The following HS6ST3 variants were observed in gnomAD, a reference collection of about 807,000 sequenced individuals.
HS6ST3 encodes heparan sulfate 6-O-sulfotransferase 3.
In HS6ST3, 12 loss-of-function variants were observed where a neutral mutation model predicts 36.7. The observed-to-expected ratio is 0.33, with a 90% CI of 0.21 to 0.53. HS6ST3 has a LOEUF of 0.53. HS6ST3 is among the 20% of genes least tolerant of loss of function. HS6ST3 has a pLI of 0.95. For synonymous variants in HS6ST3, 240 were observed against 257.5 expected, an observed-to-expected ratio of 0.93 and a Z score of 0.65; for missense variants, 584 against 640.9, an observed-to-expected ratio of 0.91 and a Z score of 0.96.
At chr13:96,263,408 T>G (rs1306739434) in intron 1 of HS6ST3, among the ~76,000 whole-genome samples, 2 of 152,144 alleles carry the variant, frequency 1.3e-5, no homozygotes, top group Admixed American at 1.3e-4. Context: ...TGACTTAACT[T>G]TCACAGAAGA....
intron 1 of HS6ST3, among the ~76,000 whole-genome samples, chr13:96,814,089 A>G (rs1878372765): frequency 6.6e-6 from 1 of 152,160 alleles, no homozygotes; most frequent in Non-Finnish European, 1.5e-5. Flanking sequence ...TTCCTTAAAA[A>G]TATCTGAATT....
chr13:96,828,364 C>T (rs1409873436), intron 1 of HS6ST3, among the ~76,000 whole-genome samples: 3 of 152,028 alleles, frequency 2.0e-5, no homozygotes, highest in Admixed American at 6.6e-5. Flanking sequence ...AGTAGAATAA[C>T]ATTGTACCCT....
At chr13:96,666,780 T>G (rs531120513) in intron 1 of HS6ST3, among the ~76,000 whole-genome samples, 5 of 152,300 alleles carry the variant, frequency 3.3e-5, no homozygotes, top group Non-Finnish European at 7.4e-5. Flanking sequence ...TTTTATGCCT[T>G]CATGAAAATA....
chr13:96,573,803 G>A (rs190592266), intron 1 of HS6ST3: 203 of 380,716 alleles, frequency 5.3e-4, no homozygotes, highest in African/African-American at 3.8e-3. Flanking sequence ...GCAGCAGATA[G>A]GAGAGTGTGT....
intron 1 of HS6ST3, among the ~76,000 whole-genome samples, chr13:96,635,534 C>A (rs2056546545): frequency 6.6e-6 from 1 of 152,172 alleles, no homozygotes; most frequent in Admixed American, 6.5e-5. Flanking sequence ...ACTGCACCAC[C>A]AGGGTTACAT....
intron 1 of HS6ST3, among the ~76,000 whole-genome samples, chr13:96,708,039 A>T (rs184809525): frequency 4.0e-4 from 61 of 152,312 alleles, no homozygotes; most frequent in Middle Eastern, 3.4e-3. Flanking sequence ...GATAGGCTTT[A>T]AAGTTAGGAA....
chr13:96,826,744 C>T (rs866615341), intron 1 of HS6ST3, among the ~76,000 whole-genome samples: 1 of 152,110 alleles, frequency 6.6e-6, no homozygotes, highest in Non-Finnish European at 1.5e-5. Flanking sequence ...CGCCTTACAG[C>T]AGAACAAGAT....
rs559414299 is a variant in HS6ST3, at chr13:96,691,695, A to AC, written c.708-140793dup. On this transcript the variant is annotated intron_variant, in intron 1 of 1. Transcript: ENST00000376705. ...TACTTTGTCCTATGTCTTTGAAACAACCTGAACACTCACTCAGCAGAGAAA... is the reference window on the plus strand; with the variant it reads ...TACTTTGTCCTATGTCTTTGAAACAACCCTGAACACTCACTCAGCAGAGAAA... 4.6e-5 allele frequency among the ~76,000 whole-genome samples: 7 copies of AC among 151,538 alleles called. 1 individual carries two copies. In the South Asian group the frequency reaches 1.5e-3, roughly 32 times the overall value.
At chr13:96,102,126 T>C (rs550252455) in intron 1 of HS6ST3, among the ~76,000 whole-genome samples, 2 of 152,344 alleles carry the variant, frequency 1.3e-5, no homozygotes, top group Non-Finnish European at 2.9e-5. Context: ...GAGTTCCTTA[T>C]TGTGCCTTCT....
rs67305199 is a variant in HS6ST3 at position 96,464,138 on chromosome 13, C to CAAAAAAAAAAA, written c.708-368339_708-368329dup. Among the ~76,000 whole-genome samples, 64 of 38,786 alleles carry CAAAAAAAAAAA rather than the reference C, an allele frequency of 1.7e-3. 5 individuals carry two copies. The highest frequency in any genetic ancestry group is 4.0e-3 in the South Asian group (2 of 506). 25.4% of individuals were successfully genotyped at this position (38,786 alleles called of 152,430 possible). A position where few individuals can be genotyped will look rare whatever the true frequency, so the allele number is the denominator to read the frequency against. ...TCCTCAGGAAAGGACTGTCAGGCCT[C>CAAAAAAAAAAA]AAAAAAAAAAAAAAAAAAAAAAATC... On this transcript the variant is annotated intron_variant, in intron 1 of 1. Transcript: ENST00000376705.
At chr13:96,578,025 G>A (rs2056328094) in intron 1 of HS6ST3, among the ~76,000 whole-genome samples, 2 of 152,208 alleles carry the variant, frequency 1.3e-5, no homozygotes, top group African/African-American at 2.4e-5. Context: ...GGTGGTGAAA[G>A]AAATTCAGTG....
At chr13:96,222,333 G>A (rs2054459930) in intron 1 of HS6ST3, among the ~76,000 whole-genome samples, 2 of 152,200 alleles carry the variant, frequency 1.3e-5, no homozygotes, top group Admixed American at 6.5e-5. Context: ...GCAGATGTCT[G>A]TATTGAAAGG....
intron 1 of HS6ST3, among the ~76,000 whole-genome samples, chr13:96,380,945 G>A (rs889095249): frequency 3.9e-5 from 6 of 152,214 alleles, no homozygotes; most frequent in Non-Finnish European, 8.8e-5. Flanking sequence ...AAACTGAGAT[G>A]TTCAGAAGAT....
At chr13:96,388,371 A>G (rs892351953) in intron 1 of HS6ST3, among the ~76,000 whole-genome samples, 1 of 152,226 alleles carries the variant, frequency 6.6e-6, no homozygotes, top group African/African-American at 2.4e-5. Flanking sequence ...TATGCCTGAT[A>G]AATATATTCT....
chr13:96,401,894 A>C (rs2055453659), intron 1 of HS6ST3, among the ~76,000 whole-genome samples: 1 of 152,142 alleles, frequency 6.6e-6, no homozygotes, highest in African/African-American at 2.4e-5. Context: ...TTATCATTTA[A>C]CCTCATGCAA....
At chr13:96,162,967 A>G (rs1308411286) in intron 1 of HS6ST3, among the ~76,000 whole-genome samples, 1 of 152,146 alleles carries the variant, frequency 6.6e-6, no homozygotes, top group Non-Finnish European at 1.5e-5. Flanking sequence ...TGGCTACTAA[A>G]TGATGCACGT....
intron 1 of HS6ST3, among the ~76,000 whole-genome samples, chr13:96,466,729 C>T (rs2055815854): frequency 6.6e-6 from 1 of 151,924 alleles, no homozygotes; most frequent in Admixed American, 6.6e-5. Context: ...ACAGTACATG[C>T]ATGTATCAAA....
chr13:96,737,603 G>A (rs1358983608), intron 1 of HS6ST3, among the ~76,000 whole-genome samples: 7 of 135,568 alleles, frequency 5.2e-5, no homozygotes, highest in Admixed American at 4.8e-4. Flanking sequence ...CCGCAGTCCG[G>A]CCTGGGCGAC....
chr13:96,601,926 T>C (rs1303227633), intron 1 of HS6ST3, among the ~76,000 whole-genome samples: 1 of 152,192 alleles, frequency 6.6e-6, no homozygotes, highest in African/African-American at 2.4e-5. Context: ...ATGCTGGTTA[T>C]AGTAGTGATG....
Sources: allele counts gnomAD v4.1 joint callset (sites outside exome capture counted in the v4.1 genomes callset), GRCh38; gene constraint gnomAD v4.1.1; transcripts MANE v1.5; gene names NCBI Gene and HGNC (gene_info 2026-07-23, HGNC 2026-07-21).